SPSB1: variants seen among roughly 807,000 people sequenced by gnomAD.
The protein encoded by SPSB1 is splA/ryanodine receptor domain and SOCS box containing 1.
Under a neutral mutation model 21.2 loss-of-function variants are expected in SPSB1, and 8 were observed. That is an observed-to-expected ratio of 0.38 (90% CI 0.22 to 0.68). The LOEUF is 0.68. Ranked by LOEUF, SPSB1 falls within the 30% of genes least tolerant of loss-of-function variation. The pLI is 0.53. For synonymous variants in SPSB1, 169 were observed against 161.7 expected (o/e 1.05, Z -0.34); for missense variants, 242 against 377.8 (o/e 0.64, Z 2.98).
At chr1:9,331,736 C>T (rs1210341386) in intron 1 of SPSB1, among the ~76,000 whole-genome samples, 1 of 152,198 alleles carries the variant, frequency 6.6e-6, no homozygotes, top group East Asian at 1.9e-4. Context: ...CACGTTGGTA[C>T]TTGCTCTCCG....
chr1:9,362,713 G>A (rs564690110), intron 2 of SPSB1, among the ~76,000 whole-genome samples: 1 of 152,348 alleles, frequency 6.6e-6, no homozygotes, highest in South Asian at 2.1e-4. Flanking sequence ...TGTGGGTTGG[G>A]GCTCTGGGGC....
intron 1 of SPSB1, among the ~76,000 whole-genome samples, chr1:9,330,704 CT>C (rs5772366): frequency 0.38 from 56,672 of 149,902 alleles, 11,458 homozygotes; most frequent in African/African-American, 0.53. Context: ...TTCTTCTGAA[CT>C]TTTTTTTTTT....
In SPSB1 at chr1:9,327,089, G is replaced by A. The variant is rs572102970; in HGVS notation, c.-149-28654G>A. ...TTCCTCATTCTTAGATGCATCTGCC[G>A]TCGTTTCGTGGGGAAGAGACTAGCA... On this transcript the variant is annotated intron_variant, in intron 1 of 2. Transcript: ENST00000328089. Among the ~76,000 whole-genome samples, 39 of 152,246 alleles carry A rather than the reference G, an allele frequency of 2.6e-4. No homozygotes were observed. The East Asian group carries it at 4.8e-3, about 19-fold the overall frequency.
At chr1:9,326,644 C>G (rs56413422) in intron 1 of SPSB1, among the ~76,000 whole-genome samples, 10,411 of 152,210 alleles carry the variant, frequency 0.068, 1,038 homozygotes, top group African/African-American at 0.22. Flanking sequence ...CTCCTGTGCC[C>G]CGTCCCAGAA....
chr1:9,354,769 C>G (rs1640334401), intron 1 of SPSB1, among the ~76,000 whole-genome samples: 1 of 151,904 alleles, frequency 6.6e-6, no homozygotes, highest in Admixed American at 6.6e-5. Flanking sequence ...CCACTGCACT[C>G]CAGCCTGGGC....
At chr1:9,332,738 G>A (rs1406124311) in intron 1 of SPSB1, among the ~76,000 whole-genome samples, 1 of 152,314 alleles carries the variant, frequency 6.6e-6, no homozygotes, top group Middle Eastern at 3.4e-3. Context: ...AGGGCATGGT[G>A]GTATTTTCAG....
At chr1:9,318,350 T>G (rs1639648133) in intron 1 of SPSB1, among the ~76,000 whole-genome samples, 1 of 152,228 alleles carries the variant, frequency 6.6e-6, no homozygotes, top group Non-Finnish European at 1.5e-5. Flanking sequence ...TGGCTGACAG[T>G]GTAGGACCCT....
intron 1 of SPSB1, among the ~76,000 whole-genome samples, chr1:9,351,065 A>G (rs1046800805): frequency 3.3e-5 from 5 of 152,266 alleles, no homozygotes; most frequent in African/African-American, 9.6e-5. Flanking sequence ...TGATGATGGT[A>G]TTAGCAGTTT....
chr1:9,321,677 G>GA lies in SPSB1; in HGVS notation c.-150+28607dup, dbSNP rs1639724340. 6.6e-6 allele frequency among the ~76,000 whole-genome samples: 1 copy of GA among 152,134 alleles called. No individual in the cohort carries two copies. Among genetic ancestry groups the GA allele is most frequent in the African/African-American group, 2.4e-5 (1 of 41,432 alleles). ...TTTAAATAAAAAAAAAAATGCTGCT[G>GA]ATTGTCACTGTAATGTGCCCTTGAC... On this transcript the variant is annotated intron_variant, in intron 1 of 2. Transcript: ENST00000328089. The surrounding 1 kb of genome is among the most constrained non-coding windows in gnomAD (Gnocchi z 4.8).
At chr1:9,325,492 AC>A (rs112222084) in intron 1 of SPSB1, among the ~76,000 whole-genome samples, 10 of 152,146 alleles carry the variant, frequency 6.6e-5, no homozygotes, top group African/African-American at 2.2e-4. Flanking sequence ...GGTGTGGGCG[AC>A]CCTAGGCCCT....
chr1:9,359,698 T>C (rs935347519), intron 2 of SPSB1, among the ~76,000 whole-genome samples: 8 of 123,878 alleles, frequency 6.5e-5, no homozygotes, highest in Non-Finnish European at 1.2e-4. Flanking sequence ...CAAGACTCCG[T>C]CTCTGGGAAA....
Position 9,340,012 on chromosome 1 carries a change from G to A in SPSB1, c.-149-15731G>A, listed in dbSNP as rs548099922. On this transcript the variant is annotated intron_variant, in intron 1 of 2. Transcript: ENST00000328089. ...CCCCACCGACAGCCCTGAACCACCTGGGCATGCAGGTCACCCAGAGGTCTG... is the reference window on the plus strand; with the variant it reads ...CCCCACCGACAGCCCTGAACCACCTAGGCATGCAGGTCACCCAGAGGTCTG... 2.0e-5 allele frequency among the ~76,000 whole-genome samples: 3 copies of A among 152,304 alleles called. No homozygotes were observed. The South Asian group carries it at 6.2e-4, about 32-fold the overall frequency.
chr1:9,340,067 G>A (rs1000328919), intron 1 of SPSB1, among the ~76,000 whole-genome samples: 2 of 152,214 alleles, frequency 1.3e-5, no homozygotes, highest in Admixed American at 6.5e-5. Flanking sequence ...GCAGTAGCCC[G>A]AGACTCTGCA....
chr1:9,343,566 A>G (rs542407850), intron 1 of SPSB1, among the ~76,000 whole-genome samples: 1 of 152,358 alleles, frequency 6.6e-6, no homozygotes, highest in Non-Finnish European at 1.5e-5. Flanking sequence ...AGACAACAGT[A>G]AAGAAGTTTA....
At position 9,361,166 on chromosome 1, in the gene SPSB1, T is replaced by C. The variant is rs1293982672; in HGVS notation, c.694+4581T>C. ...TGGATCTGTCATTTTCTTTTTTTTT[T>C]TTTTTTTTTTTTTTTTTAGAGATGG... On this transcript the variant is annotated intron_variant, in intron 2 of 2. Transcript: ENST00000328089. Among the ~76,000 whole-genome samples, 261 of 141,106 alleles carry C rather than the reference T, an allele frequency of 1.8e-3. 12 individuals are homozygous for C. The highest frequency in any genetic ancestry group is 6.4e-3 in the African/African-American group (237 of 37,272). 92.6% of individuals were successfully genotyped at this position (141,106 alleles called of 152,430 possible).
rs889892740 is a variant in SPSB1, at chr1:9,363,199, C to T, written c.695-4249C>T. Among the ~76,000 whole-genome samples the T allele has an allele frequency of 6.6e-6, 1 of 152,200 alleles. No individual in the cohort carries two copies. Among genetic ancestry groups the T allele is most frequent in the African/African-American group, 2.4e-5 (1 of 41,436 alleles). On this transcript the variant is annotated intron_variant, in intron 2 of 2. Transcript: ENST00000328089. The surrounding 1 kb of genome is among the most constrained non-coding windows in gnomAD (Gnocchi z 4.5). ...GAAAGCAGTTAGACCGGGCCCTATG[C>T]GCCATCAGTTTCCTCCTGCAAGATC...
rs1409561534 is a variant in SPSB1 at position 9,346,987 on chromosome 1, C to G, written c.-149-8756C>G. 6.6e-6 allele frequency among the ~76,000 whole-genome samples: 1 copy of G among 152,158 alleles called. No individual in the cohort carries two copies. Among genetic ancestry groups the G allele is most frequent in the Non-Finnish European group, 1.5e-5 (1 of 68,024 alleles). ...AATAATGTCCCTCTTCGGGATGGCC[C>G]CAAAGCTTCCCCAGGATTCTCATCC... On this transcript the variant is annotated intron_variant, in intron 1 of 2. Coordinates refer to ENST00000328089, the MANE Select transcript of SPSB1 (RefSeq NM_025106.4). This position sits in a 1 kb window ranked among gnomAD's most constrained non-coding sequence, Gnocchi z 4.4.
chr1:9,302,739 A>G (rs1388944770), intron 1 of SPSB1, among the ~76,000 whole-genome samples: 4 of 152,152 alleles, frequency 2.6e-5, no homozygotes, highest in South Asian at 2.1e-4. Flanking sequence ...CTAGGTGACA[A>G]TACTTTGTAG....
At chr1:9,361,692 C>G (rs76664662) in intron 2 of SPSB1, among the ~76,000 whole-genome samples, 1,982 of 152,366 alleles carry the variant, frequency 0.013, 39 homozygotes, top group African/African-American at 0.045. Context: ...CTCCTCAAGG[C>G]TCGAGGCACA....
Sources: gnomAD v4.1 joint callset for allele counts (sites outside exome capture counted in the v4.1 genomes callset) on GRCh38, gnomAD v4.1.1 for gene constraint, Gnocchi (gnomAD v3.1) non-coding constraint, MANE v1.5 for transcripts, NCBI Gene and HGNC (gene_info 2026-07-23, HGNC 2026-07-21) for gene names.